The following PTPRJ variants were observed in gnomAD, a reference collection of about 807,000 sequenced individuals.
PTPRJ encodes the protein receptor-type tyrosine-protein phosphatase eta.
PTPRJ carries 129 observed loss-of-function variants against 141.3 expected under a neutral mutation model. The ratio of observed to expected loss-of-function variants is 0.91; its 90% CI spans 0.79 to 1.06. The LOEUF is 1.06. Ranked by LOEUF, PTPRJ falls within the 50% of genes least tolerant of loss-of-function variation. The probability of loss-of-function intolerance (pLI) is 0.00; values close to 1 mark genes in which losing one functional copy is unlikely to be tolerated. For missense variants in PTPRJ, 1,601 were observed against 1,679.7 expected, an observed-to-expected ratio of 0.95 and a Z score of 0.82; for synonymous variants, 610 against 640.5, an observed-to-expected ratio of 0.95 and a Z score of 0.72.
At chr11:48,084,000 A>G (rs1184013436) in intron 1 of PTPRJ, among the ~76,000 whole-genome samples, 1 of 152,232 alleles carries the variant, frequency 6.6e-6, no homozygotes, top group African/African-American at 2.4e-5. Context: ...TAAGGCCACA[A>G]AGCCATGCAG....
rs139636308 is a variant in PTPRJ at position 48,144,780 on chromosome 11, G to A, written c.2681G>A (p.Arg894His). The change falls in exon 13 of 25, where the codon CGT (arginine) becomes CAT (histidine). Residue 894 changes from arginine to histidine, a missense_variant. Transcript: ENST00000418331. ...CTCATAAGAACAGAAGAAAAGGGAC[G>A]TTCTCAGAGCTTGTCTGAAGTTTTG... is the stretch of plus-strand genomic sequence containing the variant. ...TYLIRTEEKG[R>H]SQSLSEVLKY... The A allele has an allele frequency of 4.6e-5, 75 of 1,614,172 alleles. No homozygotes were observed. The highest frequency in any genetic ancestry group is 2.8e-4 in the Admixed American group (17 of 60,032).
intron 1 of PTPRJ, among the ~76,000 whole-genome samples, chr11:48,078,405 G>T (rs1431234559): frequency 6.6e-6 from 1 of 152,176 alleles, no homozygotes; most frequent in Non-Finnish European, 1.5e-5. Context: ...GGTTTCGGCA[G>T]TTCAGGTTGT....
At chr11:48,007,583 A>G (rs1419382486) in intron 1 of PTPRJ, among the ~76,000 whole-genome samples, 1 of 152,106 alleles carries the variant, frequency 6.6e-6, no homozygotes, top group Admixed American at 6.5e-5. Flanking sequence ...TTCTATTTTT[A>G]GCAGAGATGG....
chr11:48,163,349 G>A (rs969544917), intron 22 of PTPRJ, 109 bp from the exon 23 acceptor site: 1 of 1,012,878 alleles, frequency 9.9e-7, no homozygotes, highest in African/African-American at 1.6e-5. Flanking sequence ...TTAATTTTTA[G>A]TCATTACAAC....
chr11:48,029,123 G>T (rs549643041), intron 1 of PTPRJ, among the ~76,000 whole-genome samples: 1 of 152,148 alleles, frequency 6.6e-6, no homozygotes. Context: ...AGATGCTGCC[G>T]GGAGTGCAGT....
At chr11:48,083,529 A>G in intron 1 of PTPRJ, among the ~76,000 whole-genome samples, 1 of 152,264 alleles carries the variant, frequency 6.6e-6, no homozygotes, top group Middle Eastern at 3.2e-3. Context: ...CAGGCAAACC[A>G]CATCCCACAT....
At chr11:48,077,892 T>C (rs1855449432) in intron 1 of PTPRJ, among the ~76,000 whole-genome samples, 1 of 152,218 alleles carries the variant, frequency 6.6e-6, no homozygotes, top group African/African-American at 2.4e-5. Context: ...ATGATCTATT[T>C]ACACTTATCT....
At chr11:48,067,251 C>A (rs1370635991) in intron 1 of PTPRJ, among the ~76,000 whole-genome samples, 1 of 152,184 alleles carries the variant, frequency 6.6e-6, no homozygotes, top group Non-Finnish European at 1.5e-5. Flanking sequence ...TACAGAGCCT[C>A]CGGCCTGGAA....
chr11:48,127,890 C>T lies in PTPRJ; in HGVS notation c.1204C>T (p.His402Tyr). The T allele has an allele frequency of 6.2e-7, 1 of 1,614,234 alleles. No homozygotes were observed. The highest frequency in any genetic ancestry group is 1.3e-5 in the African/African-American group (1 of 75,060). Residue 402 changes from histidine to tyrosine, a missense_variant, in exon 7 of 25, where the codon CAT becomes TAT. Transcript: ENST00000418331. ...GTCATCTAACTATACCTACAAGATA[C>T]ATGTGGCGGGGGAGACAGATTCTTC... ...ESSSNYTYKI[H>Y]VAGETDSSNL...
In PTPRJ at chr11:48,112,796, A is replaced by C; in HGVS notation, c.165A>C (p.Glu55Asp). ...DPSVATVATG[E>D]NGITQISSTA... Reference sequence around the variant, plus strand: ...CAGTAGCAACTGTTGCCACAGGGGAAAATGGCATAACGCAGATCAGCAGTA... The same window carrying C: ...CAGTAGCAACTGTTGCCACAGGGGACAATGGCATAACGCAGATCAGCAGTA... The change falls in exon 3 of 25, where the codon GAA (glutamate) becomes GAC (aspartate). Residue 55 changes from glutamate to aspartate, a missense_variant. By Grantham distance (45) the Glu-to-Asp change is conservative (BLOSUM62 2). Coordinates refer to ENST00000418331, the MANE Select transcript of PTPRJ (RefSeq NM_002843.4). The C allele has an allele frequency of 6.2e-7, 1 of 1,614,242 alleles. No homozygotes were observed.
chr11:48,061,476 C>T (rs921961533), intron 1 of PTPRJ, among the ~76,000 whole-genome samples: 2 of 152,208 alleles, frequency 1.3e-5, no homozygotes, highest in African/African-American at 4.8e-5. Flanking sequence ...TCTGCTGCTG[C>T]TGATAGTAAC....
At chr11:48,062,561 G>T (rs571160116) in intron 1 of PTPRJ, among the ~76,000 whole-genome samples, 1 of 152,132 alleles carries the variant, frequency 6.6e-6, no homozygotes, top group South Asian at 2.1e-4. Context: ...TGTTGTTATT[G>T]TTAAAGGATC....
At chr11:48,161,598 T>A (rs935636817) in intron 22 of PTPRJ, among the ~76,000 whole-genome samples, 8 of 149,920 alleles carry the variant, frequency 5.3e-5, no homozygotes, top group Non-Finnish European at 1.0e-4. Flanking sequence ...CATGCTTATT[T>A]CTTTTCTTTT....
At chr11:48,142,024 T>C (rs984182557) in intron 11 of PTPRJ, among the ~76,000 whole-genome samples, 2 of 125,836 alleles carry the variant, frequency 1.6e-5, no homozygotes, top group Non-Finnish European at 3.3e-5. Flanking sequence ...TTTATTTTTG[T>C]GTCTGGTGTA....
intron 1 of PTPRJ, among the ~76,000 whole-genome samples, chr11:48,020,654 CA>C (rs1182098464): frequency 4.6e-5 from 7 of 152,168 alleles, no homozygotes; most frequent in African/African-American, 1.7e-4. Context: ...GTACTGGTCT[CA>C]AAACCCTCTG....
chr11:48,061,551 T>A (rs1461131788), intron 1 of PTPRJ, among the ~76,000 whole-genome samples: 3 of 152,128 alleles, frequency 2.0e-5, no homozygotes, highest in Non-Finnish European at 4.4e-5. Flanking sequence ...CTCTGTTCGG[T>A]GGATGAGGAA....
At chr11:48,123,278 A>C (rs1243021730) in intron 4 of PTPRJ, among the ~76,000 whole-genome samples, 1 of 152,232 alleles carries the variant, frequency 6.6e-6, no homozygotes, top group Admixed American at 6.5e-5. Context: ...ATTAAATGCT[A>C]CCATTTAAAA....
At chr11:48,027,221 A>T (rs770123159) in intron 1 of PTPRJ, among the ~76,000 whole-genome samples, 17 of 151,226 alleles carry the variant, frequency 1.1e-4, no homozygotes, top group Admixed American at 2.0e-4. Context: ...GTTAGCCAGG[A>T]TGGTCTTGAT....
chr11:48,126,036 G>A (rs1379150370), intron 6 of PTPRJ, among the ~76,000 whole-genome samples: 2 of 152,138 alleles, frequency 1.3e-5, no homozygotes, highest in Admixed American at 6.5e-5. Flanking sequence ...AGTTGGAGGA[G>A]GAGGAAGGGG....
Sources: allele counts gnomAD v4.1 joint callset (sites outside exome capture counted in the v4.1 genomes callset), GRCh38; gene constraint gnomAD v4.1.1; transcripts MANE v1.5; gene names NCBI Gene and HGNC (gene_info 2026-07-23, HGNC 2026-07-21).